Variants in WDR25 observed in about 807,000 individuals in gnomAD.
WDR25 encodes the protein WD repeat domain 25, also known as WD repeat-containing protein 25.
A neutral mutation model predicts 47.7 loss-of-function variants in WDR25; 35 were observed. The observed-to-expected ratio is 0.73, with a 90% CI of 0.56 to 0.97. WDR25 has a LOEUF of 0.97. Ranked by LOEUF, WDR25 falls within the 50% of genes least tolerant of loss-of-function variation. WDR25 has a pLI of 0.00. For missense variants in WDR25, 634 were observed against 704.7 expected (o/e 0.90, Z 1.14); for synonymous variants, 248 against 278.9 (o/e 0.89, Z 1.10).
chr14:100,524,752 C>T (rs1244273813), intron 4 of WDR25, among the ~76,000 whole-genome samples: 2 of 152,134 alleles, frequency 1.3e-5, no homozygotes, highest in South Asian at 2.1e-4. Context: ...CTCCACCATG[C>T]CCTGGCCCTG....
At chr14:100,485,160 C>G (rs1900340742) in intron 4 of WDR25, among the ~76,000 whole-genome samples, 1 of 152,060 alleles carries the variant, frequency 6.6e-6, no homozygotes, top group Non-Finnish European at 1.5e-5. Flanking sequence ...GCTCTTCTGC[C>G]TGTTTCCTAA....
Position 100,529,999 on chromosome 14 carries a change from C to T in WDR25, c.1593C>T (p.Leu531=), listed in dbSNP as rs577169793. 196 of 1,613,204 alleles carry T rather than the reference C, an allele frequency of 1.2e-4. No homozygotes were observed. Among genetic ancestry groups the T allele is most frequent in the Non-Finnish European group, 1.5e-4 (181 of 1,179,886 alleles). ...TTYHPVLPSV[L]ATCSWGGDMK... ...ATCACCCCGTGCTGCCCTCCGTCCT[C>T]GCCACCTGCTCCTGGGGAGGGGACA... Residue 531 remains leucine (L), a synonymous_variant, in exon 7 of 7, where the codon CTC becomes CTT. Transcript: ENST00000402312. The surrounding 1 kb of genome is among the most constrained non-coding windows in gnomAD (Gnocchi z 5.1).
At chr14:100,483,446 C>T (rs572878029) in intron 3 of WDR25, among the ~76,000 whole-genome samples, 1 of 152,314 alleles carries the variant, frequency 6.6e-6, no homozygotes, top group African/African-American at 2.4e-5. Flanking sequence ...ATGATGGCCA[C>T]TCTCATTTAT....
intron 5 of WDR25, 130 bp from the exon 6 acceptor site, chr14:100,528,938 T>G: frequency 9.2e-7 from 1 of 1,082,126 alleles, no homozygotes; most frequent in Non-Finnish European, 1.3e-6. Context: ...CTTGTGGTGA[T>G]TTGTCACAGC....
At chr14:100,405,224 T>C (rs1487330808) in intron 2 of WDR25, among the ~76,000 whole-genome samples, 1 of 149,992 alleles carries the variant, frequency 6.7e-6, no homozygotes, top group Non-Finnish European at 1.5e-5. Flanking sequence ...TGCAATGGTA[T>C]GATCTCAGCT....
chr14:100,391,227 T>G (rs900827925), intron 2 of WDR25, among the ~76,000 whole-genome samples: 11 of 152,176 alleles, frequency 7.2e-5, no homozygotes, highest in African/African-American at 2.7e-4. Flanking sequence ...CCCTGAGATC[T>G]GATAAATCGT....
At chr14:100,447,719 G>A (rs1425324823) in intron 2 of WDR25, among the ~76,000 whole-genome samples, 2 of 152,188 alleles carry the variant, frequency 1.3e-5, no homozygotes, top group Admixed American at 1.3e-4. Context: ...AACCATTTGC[G>A]AGATTGAGGT....
chr14:100,484,430 G>A (rs1361065915), intron 4 of WDR25, among the ~76,000 whole-genome samples: 1 of 151,978 alleles, frequency 6.6e-6, no homozygotes, highest in Non-Finnish European at 1.5e-5. Context: ...AGGGAATAAT[G>A]TGCGGGTACA....
At position 100,430,794 on chromosome 14, in the gene WDR25, C is replaced by G. The variant is rs1428221193; in HGVS notation, c.823-37227C>G. 6.6e-6 allele frequency among the ~76,000 whole-genome samples: 1 copy of G among 152,176 alleles called. No individual in the cohort carries two copies. Among genetic ancestry groups the G allele is most frequent in the Non-Finnish European group, 1.5e-5 (1 of 68,032 alleles). On this transcript the variant is annotated intron_variant, in intron 2 of 6. Coordinates refer to ENST00000402312, the MANE Select transcript of WDR25 (RefSeq NM_001161476.3). This position sits in a 1 kb window ranked among gnomAD's most constrained non-coding sequence, Gnocchi z 4.7. ...ACAGATGAGGCTTGCTTCGTGCTCC[C>G]CAGCCTGGCAACGTGGACATTTCTG...
chr14:100,481,124 A>AAAAAAAAAAG, intron 3 of WDR25: 1 of 443,500 alleles, frequency 2.3e-6, no homozygotes, highest in Non-Finnish European at 4.5e-6. Flanking sequence ...AAAAAAAAAA[A>AAAAAAAAAAG]AAAAAAAAGG....
chr14:100,377,262 T>C (rs1015125351), intron 1 of WDR25, among the ~76,000 whole-genome samples: 7 of 150,702 alleles, frequency 4.6e-5, no homozygotes, highest in Non-Finnish European at 1.0e-4. Context: ...ATTAGTTCCA[T>C]TGGAGATGAG....
At position 100,381,557 on chromosome 14, in the gene WDR25, C is replaced by CT; in HGVS notation, c.634dup (p.Tyr212LeufsTer8). 1 of 1,609,910 alleles carries CT rather than the reference C, an allele frequency of 6.2e-7. No homozygotes were observed. The highest frequency in any genetic ancestry group is 8.5e-7 in the Non-Finnish European group (1 of 1,177,164). ...CTGCAGGGCGTGCCCCAGCCCCTCT[C>CT]TACGTGGGCCCGGGAGTGTCTGAGT... On this transcript the variant is annotated frameshift_variant, in exon 2 of 7. Transcript: ENST00000402312. LOFTEE classifies it high-confidence loss of function.
intron 4 of WDR25, among the ~76,000 whole-genome samples, chr14:100,512,634 G>A (rs1901345402): frequency 6.6e-6 from 1 of 151,968 alleles, no homozygotes; most frequent in Admixed American, 6.6e-5. Flanking sequence ...CAAAAACCTT[G>A]AATTTAATTT....
chr14:100,427,473 A>G (rs1227247209), intron 2 of WDR25, among the ~76,000 whole-genome samples: 1 of 152,140 alleles, frequency 6.6e-6, no homozygotes, highest in Admixed American at 6.5e-5. Context: ...AACATTTGCA[A>G]AGTGACACAC....
chr14:100,475,565 G>A (rs924839219), intron 3 of WDR25, among the ~76,000 whole-genome samples: 1 of 152,102 alleles, frequency 6.6e-6, no homozygotes, highest in African/African-American at 2.4e-5. Flanking sequence ...ACTTATATGT[G>A]GAAGCTAAAA....
chr14:100,381,564 G>A lies in WDR25; in HGVS notation c.640G>A (p.Gly214Ser). The A allele has an allele frequency of 6.2e-7, 1 of 1,609,686 alleles. No individual in the cohort carries two copies. Among genetic ancestry groups the A allele is most frequent in the Non-Finnish European group, 8.5e-7 (1 of 1,177,044 alleles). ...GCGTGCCCCAGCCCCTCTCTACGTG[G>A]GCCCGGGAGTGTCTGAGTTTATTCA... ...AGRAPAPLYV[G>S]PGVSEFIQPY... The change falls in exon 2 of 7, where the codon GGC becomes AGC. Residue 214 changes from glycine to serine, a missense_variant. Gly to Ser is a moderately conservative substitution (Grantham distance 56, BLOSUM62 0). Transcript: ENST00000402312.
Position 100,523,666 on chromosome 14 carries a change from G to A in WDR25, c.1102-2204G>A, listed in dbSNP as rs900962833. ...AGGCTGCTCTGGACGAGTCAGCAGC[G>A]GCCCAGCATCCCCCAGGTTTGCTGG... On this transcript the variant is annotated intron_variant, in intron 4 of 6. Coordinates refer to ENST00000402312, the MANE Select transcript of WDR25 (RefSeq NM_001161476.3). This position sits in a 1 kb window ranked among gnomAD's most constrained non-coding sequence, Gnocchi z 4.7. Among the ~76,000 whole-genome samples the A allele has an allele frequency of 3.9e-5, 6 of 152,104 alleles. No homozygotes were observed. Among genetic ancestry groups the A allele is most frequent in the Admixed American group, 6.5e-5 (1 of 15,276 alleles).
intron 1 of WDR25, among the ~76,000 whole-genome samples, chr14:100,377,132 G>C (rs904286991): frequency 3.3e-5 from 5 of 152,252 alleles, no homozygotes; most frequent in African/African-American, 9.6e-5. Context: ...CATGGTGGGT[G>C]GTGCCTGGGC....
chr14:100,491,312 G>T (rs755067412), intron 4 of WDR25, among the ~76,000 whole-genome samples: 31 of 152,230 alleles, frequency 2.0e-4, no homozygotes, highest in Non-Finnish European at 4.0e-4. Context: ...GGGGTGGTTT[G>T]ATGCCCAAAC....
Sources: allele counts gnomAD v4.1 joint callset (sites outside exome capture counted in the v4.1 genomes callset), GRCh38; gene constraint gnomAD v4.1.1; non-coding constraint Gnocchi (gnomAD v3.1); transcripts MANE v1.5; gene names NCBI Gene and HGNC (gene_info 2026-07-23, HGNC 2026-07-21).